The following MBD2 variants were observed in gnomAD, a reference collection of about 807,000 sequenced individuals.
The protein encoded by MBD2 is methyl-CpG binding domain protein 2, also known as methyl-CpG-binding domain protein 2.
In MBD2, 9 loss-of-function variants were observed where a neutral mutation model predicts 39.3. The ratio of observed to expected loss-of-function variants is 0.23; its 90% CI spans 0.14 to 0.40. MBD2 has a LOEUF of 0.40. Among genes scored for constraint, MBD2 ranks in the 10% least tolerant of loss-of-function variants. The pLI is 1.00. For missense variants in MBD2, 458 were observed against 532.6 expected (o/e 0.86, Z 1.38); for synonymous variants, 233 against 211.1 (o/e 1.10, Z -0.90).
intron 3 of MBD2, among the ~76,000 whole-genome samples, chr18:54,180,903 C>CTTTTTTTTTTTTTTTTTTTT: frequency 2.0e-5 from 1 of 49,878 alleles, no homozygotes; most frequent in African/African-American, 1.2e-4. Flanking sequence ...TTTTCTTTTT[C>CTTTTTTTTTTTTTTTTTTTT]TTTTTTTTTT....
At chr18:54,197,334 C>G (rs767725538) in intron 2 of MBD2, among the ~76,000 whole-genome samples, 3 of 152,226 alleles carry the variant, frequency 2.0e-5, no homozygotes, top group Non-Finnish European at 2.9e-5. Context: ...TGGCACAGCC[C>G]TATTACCAGG....
At chr18:54,190,539 A>G (rs2086313428) in intron 2 of MBD2, among the ~76,000 whole-genome samples, 1 of 152,162 alleles carries the variant, frequency 6.6e-6, no homozygotes, top group Non-Finnish European at 1.5e-5. Context: ...GTGAATAATA[A>G]TCTTGTTTAT....
chr18:54,158,906 G>T lies in MBD2; in HGVS notation c.*12+859C>A, dbSNP rs151112948. Among the ~76,000 whole-genome samples, 445 of 152,252 alleles carry T rather than the reference G, an allele frequency of 2.9e-3. 2 individuals are homozygous for T. The highest frequency in any genetic ancestry group is 0.01 in the African/African-American group (419 of 41,554). On this transcript the variant is annotated intron_variant, in intron 6 of 6. Coordinates refer to ENST00000256429, the MANE Select transcript of MBD2 (RefSeq NM_003927.5). ...GCATGCCAAAGCGCTGAGATTACAG[G>T]CATGAGCCACCAAACCCAGCCTAAA...
At chr18:54,222,812 T>C (rs1176569407) in intron 1 of MBD2, among the ~76,000 whole-genome samples, 1 of 152,274 alleles carries the variant, frequency 6.6e-6, no homozygotes, top group Non-Finnish European at 1.5e-5. Context: ...GCACCAGCAG[T>C]GATCACATTC....
chr18:54,165,601 G>A (rs917795176), intron 4 of MBD2, among the ~76,000 whole-genome samples: 10 of 152,158 alleles, frequency 6.6e-5, no homozygotes, highest in African/African-American at 2.4e-4. Flanking sequence ...TGCTGTTGCT[G>A]GACCAAAGTG....
intron 3 of MBD2, among the ~76,000 whole-genome samples, chr18:54,181,054 C>T (rs1030346230): frequency 1.3e-5 from 2 of 151,694 alleles, no homozygotes; most frequent in Non-Finnish European, 2.9e-5. Flanking sequence ...CCACCATGCT[C>T]GGCTAATTTT....
chr18:54,166,061 G>C lies in MBD2; in HGVS notation c.931+15C>G. 1 of 1,565,414 alleles carries C rather than the reference G, an allele frequency of 6.4e-7. No homozygotes were observed. Among genetic ancestry groups the C allele is most frequent in the Non-Finnish European group, 8.8e-7 (1 of 1,136,716 alleles). ...GTACTTGATAAATGTCTGCTCAACT[G>C]AACTTAGATAATACCTTGAAGACCT... On this transcript the variant is annotated intron_variant, in intron 4 of 6. Coordinates refer to ENST00000256429, the MANE Select transcript of MBD2 (RefSeq NM_003927.5).
intron 3 of MBD2, among the ~76,000 whole-genome samples, chr18:54,180,753 A>C (rs2144301134): frequency 6.6e-6 from 1 of 152,232 alleles, no homozygotes; most frequent in South Asian, 2.1e-4. Context: ...CGATTTTTTC[A>C]TCTGTATTCC....
At chr18:54,213,395 T>C (rs2086527181) in intron 1 of MBD2, among the ~76,000 whole-genome samples, 2 of 152,106 alleles carry the variant, frequency 1.3e-5, no homozygotes, top group Admixed American at 6.5e-5. Context: ...GTGGATCAGT[T>C]TCATCTCAAA....
At chr18:54,160,057 A>T (rs2086084484) in intron 5 of MBD2, 154 bp from the exon 6 acceptor site, 8 of 746,656 alleles carry the variant, frequency 1.1e-5, no homozygotes, top group Non-Finnish European at 1.7e-5. Flanking sequence ...TCTACACACA[A>T]ATCAAACCTC....
intron 1 of MBD2, among the ~76,000 whole-genome samples, chr18:54,216,920 G>T (rs1045050426): frequency 6.6e-6 from 1 of 151,944 alleles, no homozygotes; most frequent in African/African-American, 2.4e-5. Flanking sequence ...GTGAAATCTC[G>T]TCTACTAAAA....
intron 2 of MBD2, among the ~76,000 whole-genome samples, chr18:54,191,294 T>C (rs2086318575): frequency 6.6e-6 from 1 of 152,198 alleles, no homozygotes; most frequent in Admixed American, 6.5e-5. Context: ...ATATTGATGC[T>C]GCTAATCCTG....
chr18:54,166,494 G>T (rs1256608496), intron 3 of MBD2, among the ~76,000 whole-genome samples: 1 of 152,048 alleles, frequency 6.6e-6, no homozygotes, highest in African/African-American at 2.4e-5. Context: ...GATTCACCTG[G>T]CATGAAATTT....
At chr18:54,199,634 CCT>C (rs1210505100) in intron 2 of MBD2, among the ~76,000 whole-genome samples, 1 of 152,136 alleles carries the variant, frequency 6.6e-6, no homozygotes, top group African/African-American at 2.4e-5. Context: ...TCCCCTATTC[CCT>C]GACTCCTCTG....
At chr18:54,195,657 A>G (rs1827421967) in intron 2 of MBD2, among the ~76,000 whole-genome samples, 1 of 152,150 alleles carries the variant, frequency 6.6e-6, no homozygotes, top group African/African-American at 2.4e-5. Flanking sequence ...TCATTGAACA[A>G]AACTGAGTGC....
intron 1 of MBD2, among the ~76,000 whole-genome samples, chr18:54,215,668 G>C (rs567417941): frequency 1.3e-4 from 20 of 151,320 alleles, no homozygotes; most frequent in Admixed American, 1.2e-3. Flanking sequence ...TCTAATTTTT[G>C]TATTTTTAGT....
intron 3 of MBD2, among the ~76,000 whole-genome samples, chr18:54,177,577 T>C (rs2086220776): frequency 6.6e-6 from 1 of 152,090 alleles, no homozygotes; most frequent in Non-Finnish European, 1.5e-5. Context: ...GCCTCCCGCG[T>C]TCACGCCATT....
chr18:54,209,833 G>A lies in MBD2; in HGVS notation c.543-4676C>T, dbSNP rs375559446. On this transcript the variant is annotated intron_variant, in intron 1 of 6. Transcript: ENST00000256429. ...TAAATGCTAGATGAACAAAAAGACT[G>A]TCACCTAAGTTCTAGTCTTACCCAA... is the stretch of plus-strand genomic sequence containing the variant. Among the ~76,000 whole-genome samples the A allele has an allele frequency of 5.3e-4, 80 of 152,276 alleles. 1 individual carries two copies. In the South Asian group the frequency reaches 0.013, roughly 26 times the overall value.
intron 3 of MBD2, among the ~76,000 whole-genome samples, chr18:54,184,738 C>T (rs1348677957): frequency 6.6e-6 from 1 of 152,174 alleles, no homozygotes. Context: ...CCTCAAGCCT[C>T]CTAGCAACAG....
Sources: gnomAD v4.1 joint callset for allele counts (sites outside exome capture counted in the v4.1 genomes callset) on GRCh38, gnomAD v4.1.1 for gene constraint, MANE v1.5 for transcripts, NCBI Gene and HGNC (gene_info 2026-07-23, HGNC 2026-07-21) for gene names.